Variants in DNAJC1 observed in about 807,000 individuals in gnomAD.
DNAJC1 encodes the protein DnaJ heat shock protein family (Hsp40) member C1, also known as dnaJ homolog subfamily C member 1.
Under a neutral mutation model 76.6 loss-of-function variants are expected in DNAJC1, and 58 were observed. The observed-to-expected ratio is 0.76, with a 90% CI of 0.61 to 0.94. DNAJC1 has a LOEUF of 0.94. Ranked by LOEUF, DNAJC1 falls within the 40% of genes least tolerant of loss-of-function variation. The pLI, the probability that DNAJC1 is intolerant of heterozygous loss-of-function variation, is 0.00. For synonymous variants in DNAJC1, 258 were observed against 267.9 expected (o/e 0.96, Z 0.36); for missense variants, 689 against 677.3 (o/e 1.02, Z -0.19).
At chr10:21,934,066 G>T (rs1216533213) in intron 1 of DNAJC1, among the ~76,000 whole-genome samples, 4 of 151,962 alleles carry the variant, frequency 2.6e-5, no homozygotes, top group African/African-American at 7.3e-5. Context: ...ATTTCAGAAG[G>T]GGCATTGTTA....
intron 8 of DNAJC1, among the ~76,000 whole-genome samples, chr10:21,816,947 G>A (rs1253894369): frequency 6.9e-6 from 1 of 145,108 alleles, no homozygotes; most frequent in Non-Finnish European, 1.5e-5. Flanking sequence ...AAGGTCAGGA[G>A]ATCAAGACCA....
At chr10:21,794,373 T>G (rs1480339239) in intron 9 of DNAJC1, among the ~76,000 whole-genome samples, 2 of 151,796 alleles carry the variant, frequency 1.3e-5, no homozygotes, top group Non-Finnish European at 2.9e-5. Context: ...GATTTGCATA[T>G]TGAAAACACT....
chr10:21,786,510 T>C (rs1834613689), intron 9 of DNAJC1, among the ~76,000 whole-genome samples: 1 of 124,810 alleles, frequency 8.0e-6, no homozygotes, highest in Non-Finnish European at 1.8e-5. Context: ...AGATGGAGTC[T>C]CACTCTGTCA....
intron 1 of DNAJC1, among the ~76,000 whole-genome samples, chr10:21,957,817 T>A (rs752423280): frequency 6.6e-6 from 1 of 152,200 alleles, no homozygotes; most frequent in Non-Finnish European, 1.5e-5. Context: ...AATATTTTTT[T>A]AAAAATGTGC....
rs574431077 is a variant in DNAJC1, at chr10:21,855,440, T to C, written c.978+26842A>G. On this transcript the variant is annotated intron_variant, in intron 8 of 11. Transcript: ENST00000376980. ...TTCAAAAGGCCAAATCAATAACATA[T>C]ATGATTTTCTAATAGGCAAAGCTCA... 3.6e-4 allele frequency among the ~76,000 whole-genome samples: 55 copies of C among 152,272 alleles called. 1 individual carries two copies. Among genetic ancestry groups the C allele is most frequent in the African/African-American group, 1.3e-3 (54 of 41,560 alleles).
chr10:21,802,090 T>C (rs1209910620), intron 9 of DNAJC1, among the ~76,000 whole-genome samples: 3 of 152,158 alleles, frequency 2.0e-5, no homozygotes, highest in Non-Finnish European at 4.4e-5. Context: ...GACACGAGTT[T>C]ACCTGTATAA....
chr10:21,974,488 AT>A (rs954841563), intron 1 of DNAJC1, among the ~76,000 whole-genome samples: 3 of 152,234 alleles, frequency 2.0e-5, no homozygotes, highest in Middle Eastern at 3.2e-3. Context: ...CACAAAATTT[AT>A]TTTGTATCAC....
At chr10:21,986,502 T>C (rs949613386) in intron 1 of DNAJC1, among the ~76,000 whole-genome samples, 11 of 152,206 alleles carry the variant, frequency 7.2e-5, no homozygotes, top group Non-Finnish European at 1.6e-4. Context: ...TTTATTAGGT[T>C]GAGGAAATTA....
At chr10:21,862,186 G>A (rs1350769420) in intron 8 of DNAJC1, among the ~76,000 whole-genome samples, 1 of 152,016 alleles carries the variant, frequency 6.6e-6, no homozygotes, top group Admixed American at 6.6e-5. Flanking sequence ...CCAAAGTGCT[G>A]GGATTACAGG....
intron 1 of DNAJC1, among the ~76,000 whole-genome samples, chr10:21,963,633 C>T (rs1431752233): frequency 6.6e-6 from 1 of 152,176 alleles, no homozygotes; most frequent in Non-Finnish European, 1.5e-5. Context: ...TGGGTCCAAC[C>T]ATATTAATTT....
chr10:21,932,648 C>T (rs561376524), intron 1 of DNAJC1, among the ~76,000 whole-genome samples: 1 of 152,302 alleles, frequency 6.6e-6, no homozygotes, highest in African/African-American at 2.4e-5. Context: ...ACCTTGTTCT[C>T]AAAGAGCTGT....
rs142376908 is a variant in DNAJC1, at chr10:21,774,651, T to C, written c.1099-8342A>G. 7.7e-3 allele frequency among the ~76,000 whole-genome samples: 1,177 copies of C among 152,256 alleles called. 7 individuals carry two copies. Among genetic ancestry groups the C allele is most frequent in the Non-Finnish European group, 0.013 (891 of 68,012 alleles). ...CACCATGCCCAGCTAATTTTTGTTG[T>C]ATTTTTTAGTAGAGACAGGGTTTCA... is the stretch of plus-strand genomic sequence containing the variant. On this transcript the variant is annotated intron_variant, in intron 9 of 11. Coordinates refer to ENST00000376980, the MANE Select transcript of DNAJC1 (RefSeq NM_022365.4).
At chr10:21,899,952 T>C (rs1368637600) in intron 7 of DNAJC1, among the ~76,000 whole-genome samples, 2 of 152,242 alleles carry the variant, frequency 1.3e-5, no homozygotes, top group South Asian at 2.1e-4. Context: ...CAGTGAGTGA[T>C]TGGTGAGTGA....
chr10:21,863,203 GAC>G (rs769173710), intron 8 of DNAJC1, among the ~76,000 whole-genome samples: 9 of 151,794 alleles, frequency 5.9e-5, no homozygotes, highest in Non-Finnish European at 1.2e-4. Context: ...AGAAATCAAT[GAC>G]ACACAAAACT....
intron 7 of DNAJC1, among the ~76,000 whole-genome samples, chr10:21,902,342 G>A (rs371094379): frequency 5.3e-5 from 8 of 151,254 alleles, no homozygotes; most frequent in Non-Finnish European, 7.4e-5. Flanking sequence ...TTTTTGAGAC[G>A]GAGTCTTGCT....
chr10:21,881,018 T>C (rs1380884304), intron 8 of DNAJC1, among the ~76,000 whole-genome samples: 1 of 152,240 alleles, frequency 6.6e-6, no homozygotes, highest in Admixed American at 6.5e-5. Flanking sequence ...AGCTTCTCCA[T>C]AGCACTTGCT....
At chr10:21,860,167 GAA>G (rs78083477) in intron 8 of DNAJC1, among the ~76,000 whole-genome samples, 1 of 80,860 alleles carries the variant, frequency 1.2e-5, no homozygotes, top group Non-Finnish European at 2.6e-5. Flanking sequence ...ATGAAAAGGA[GAA>G]AAAAAAAAAA....
At chr10:21,888,548 T>C (rs1358564590) in intron 7 of DNAJC1, among the ~76,000 whole-genome samples, 1 of 152,162 alleles carries the variant, frequency 6.6e-6, no homozygotes, top group Non-Finnish European at 1.5e-5. Context: ...TGGGATACTA[T>C]GCAGCCATAA....
intron 1 of DNAJC1, among the ~76,000 whole-genome samples, chr10:21,934,218 TA>T (rs568770649): frequency 0.01 from 1,411 of 138,528 alleles, 28 homozygotes; most frequent in African/African-American, 0.035. Context: ...GTTTAAAAAG[TA>T]AAAAAAAAAA....
Sources: gnomAD v4.1 joint callset for allele counts (sites outside exome capture counted in the v4.1 genomes callset) on GRCh38, gnomAD v4.1.1 for gene constraint, MANE v1.5 for transcripts, NCBI Gene and HGNC (gene_info 2026-07-23, HGNC 2026-07-21) for gene names.